Variants in ODF4 observed in about 807,000 individuals in gnomAD.
The protein encoded by ODF4 is outer dense fiber protein 4.
A neutral mutation model predicts 17.0 loss-of-function variants in ODF4; 11 were observed. That is an observed-to-expected ratio of 0.65 (90% CI 0.41 to 1.07). The LOEUF (loss-of-function observed/expected upper bound fraction) is 1.07, where lower values mean the gene tolerates loss of function less well. ODF4 is among the 50% of genes least tolerant of loss of function. The pLI is 0.00. For synonymous variants in ODF4, 127 were observed against 121.8 expected (o/e 1.04, Z -0.28); for missense variants, 281 against 310.2 (o/e 0.91, Z 0.71).
chr17:8,340,414 C>T lies in ODF4; in HGVS notation c.363C>T (p.Ser121=). Residue 121 remains serine, a synonymous_variant, in exon 1 of 3, where the codon AGC becomes AGT. Transcript: ENST00000328248. The part of the protein sequence containing the change: ...LFYQRWPVDV[S]NRIHTSAHVM... ...ACCAGCGCTGGCCCGTGGATGTCAGCAACAGAATCCACACATCAGCCCACG... is the reference window on the plus strand; with the variant it reads ...ACCAGCGCTGGCCCGTGGATGTCAGTAACAGAATCCACACATCAGCCCACG... 1.2e-6 allele frequency: 2 copies of T among 1,613,626 alleles called. No individual in the cohort carries two copies. The highest frequency in any genetic ancestry group is 1.7e-6 in the Non-Finnish European group (2 of 1,179,574).
intron 1 of ODF4, among the ~76,000 whole-genome samples, chr17:8,342,428 A>C (rs991287787): frequency 6.6e-6 from 1 of 152,104 alleles, no homozygotes; most frequent in Non-Finnish European, 1.5e-5. Flanking sequence ...TTTTTAGTAG[A>C]GACGGAGTTT....
rs984538812 is a variant in ODF4 at position 8,343,815 on chromosome 17, A to T, written c.455-1528A>T. 3.3e-5 allele frequency among the ~76,000 whole-genome samples: 3 copies of T among 90,634 alleles called. No individual in the cohort carries two copies. In the South Asian group the frequency reaches 1.1e-3, roughly 32 times the overall value. 59.5% of individuals were successfully genotyped at this position (90,634 alleles called of 152,430 possible). A position where few individuals can be genotyped will look rare whatever the true frequency, so the allele number is the denominator to read the frequency against. The stretch of plus-strand genomic sequence containing the variant: ...AGGTGTGAGCCACCGCACCCAGCCA[A>T]GTGTGTGTGTGTGTGTGTGTGTGTG... On this transcript the variant is annotated intron_variant, in intron 1 of 2. Coordinates refer to ENST00000328248, the MANE Select transcript of ODF4 (RefSeq NM_153007.5).
Position 8,345,886 on chromosome 17 carries a change from A to G in ODF4, c.*34A>G, listed in dbSNP as rs1165333338. 2 of 1,575,566 alleles carry G rather than the reference A, an allele frequency of 1.3e-6. No individual in the cohort carries two copies. The highest frequency in any genetic ancestry group is 2.7e-5 in the African/African-American group (2 of 74,130). ...GAACTCCTGGCACCAAGTTCTGTCC[A>G]TTCATCTGACCCCATCTCCTCATCC... On this transcript the variant is annotated 3_prime_UTR_variant, in exon 3 of 3. Coordinates refer to ENST00000328248, the MANE Select transcript of ODF4 (RefSeq NM_153007.5). This position sits in a 1 kb window ranked among gnomAD's most constrained non-coding sequence, Gnocchi z 4.1.
At position 8,340,234 on chromosome 17, in the gene ODF4, C is replaced by T; in HGVS notation, c.183C>T (p.Arg61=). The change falls in exon 1 of 3, where the codon CGC becomes CGT. Residue 61 remains arginine, a synonymous_variant. Coordinates refer to ENST00000328248, the MANE Select transcript of ODF4 (RefSeq NM_153007.5). ...GTAGTAACAGGTCCTTGGGCCAGCG[C>T]CAGAACTCTCCGCTGCCCTTTCAAT... is the stretch of plus-strand genomic sequence containing the variant. The part of the protein sequence containing the change: ...SLSSNRSLGQ[R]QNSPLPFQWR... The T allele has an allele frequency of 6.2e-7, 1 of 1,614,176 alleles. No individual in the cohort carries two copies. Among genetic ancestry groups the T allele is most frequent in the Non-Finnish European group, 8.5e-7 (1 of 1,180,004 alleles).
intron 1 of ODF4, among the ~76,000 whole-genome samples, chr17:8,341,481 G>T (rs886915113): frequency 6.6e-6 from 1 of 151,870 alleles, no homozygotes; most frequent in Non-Finnish European, 1.5e-5. Context: ...CCTCATCCTT[G>T]TTTTTTTCTG....
rs1436248000 is a variant in ODF4, at chr17:8,340,000, C to T, written c.-52C>T. 1 of 1,184,106 alleles carries T rather than the reference C, an allele frequency of 8.4e-7. No individual in the cohort carries two copies. Among genetic ancestry groups the T allele is most frequent in the East Asian group, 2.4e-5 (1 of 41,756 alleles). 73.3% of individuals were successfully genotyped at this position (1,184,106 alleles called of 1,614,324 possible). On this transcript the variant is annotated 5_prime_UTR_variant, in exon 1 of 3. Transcript: ENST00000328248. ...AAAATATCCAAAAGATGAGAAGAGA[C>T]AATTGAGTCTGGTGAGGGAAAGGGG...
Position 8,344,377 on chromosome 17 carries a change from T to G in ODF4, c.455-966T>G, listed in dbSNP as rs1366816960. On this transcript the variant is annotated intron_variant, in intron 1 of 2. Transcript: ENST00000328248. The stretch of plus-strand genomic sequence containing the variant: ...GTATTCATTTGCATGTGGTTGAGGT[T>G]ATCAAACAATATCCATATCAAGGAT... Among the ~76,000 whole-genome samples, 4 of 129,252 alleles carry G rather than the reference T, an allele frequency of 3.1e-5. 1 individual carries two copies. In the East Asian group the frequency reaches 8.8e-4, roughly 29 times the overall value. 84.8% of individuals were successfully genotyped at this position (129,252 alleles called of 152,430 possible). A position where few individuals can be genotyped will look rare whatever the true frequency, so the allele number is the denominator to read the frequency against.
At chr17:8,342,345 C>G (rs369956970) in intron 1 of ODF4, among the ~76,000 whole-genome samples, 1 of 152,058 alleles carries the variant, frequency 6.6e-6, no homozygotes, top group East Asian at 1.9e-4. Flanking sequence ...CGGTTTCAAG[C>G]GATTATCCTG....
Position 8,339,969 on chromosome 17 carries a change from C to T in ODF4, c.-83C>T. Reference sequence around the variant, plus strand: ...CAGACCTCAGGCTGCATGGTGGCAGCTGATGAAAATATCCAAAAGATGAGA... The same window carrying T: ...CAGACCTCAGGCTGCATGGTGGCAGTTGATGAAAATATCCAAAAGATGAGA... On this transcript the variant is annotated 5_prime_UTR_variant, in exon 1 of 3. Transcript: ENST00000328248. 1.2e-6 allele frequency: 1 copy of T among 857,432 alleles called. No homozygotes were observed. The highest frequency in any genetic ancestry group is 1.8e-6 in the Non-Finnish European group (1 of 563,936). The allele number at this position is 857,432 out of a possible 1,614,324, so 53.1% of individuals were successfully genotyped here.
intron 1 of ODF4, chr17:8,344,822 T>C: frequency 1.0e-6 from 1 of 972,298 alleles, no homozygotes; most frequent in Non-Finnish European, 1.2e-6. Flanking sequence ...TGATTATGTT[T>C]CATCTTTTGT....
Position 8,346,046 on chromosome 17 carries a change from A to C in ODF4, c.*194A>C. On this transcript the variant is annotated 3_prime_UTR_variant, in exon 3 of 3. Coordinates refer to ENST00000328248, the MANE Select transcript of ODF4 (RefSeq NM_153007.5). ...ATAAATTGTCCGTCTCTTCTTTCTC[A>C]TATCTGGCTGTTGTTGAGGCAAGCT... 1 of 518,694 alleles carries C rather than the reference A, an allele frequency of 1.9e-6. No individual in the cohort carries two copies. Among genetic ancestry groups the C allele is most frequent in the Non-Finnish European group, 3.4e-6 (1 of 291,278 alleles). The allele number at this position is 518,694 out of a possible 1,614,324, so 32.1% of individuals were successfully genotyped here.
chr17:8,341,794 C>T (rs1906032109), intron 1 of ODF4, among the ~76,000 whole-genome samples: 2 of 148,894 alleles, frequency 1.3e-5, no homozygotes, highest in South Asian at 4.2e-4. Flanking sequence ...TGAAAAAAAT[C>T]ACACAGCTAT....
chr17:8,343,202 G>T (rs1217656430), intron 1 of ODF4, among the ~76,000 whole-genome samples: 1 of 151,048 alleles, frequency 6.6e-6, no homozygotes, highest in Non-Finnish European at 1.5e-5. Flanking sequence ...CATGATCTCG[G>T]CTCAGTGCAA....
Position 8,345,002 on chromosome 17 carries a change from G to T in ODF4, c.455-341G>T. Reference sequence around the variant, plus strand: ...CCTACCTGCCCGCTGTTCAAAAATTGCCCTTTGTGGGCTTCGGGACCATCT... The same window carrying T: ...CCTACCTGCCCGCTGTTCAAAAATTTCCCTTTGTGGGCTTCGGGACCATCT... On this transcript the variant is annotated intron_variant, in intron 1 of 2. Coordinates refer to ENST00000328248, the MANE Select transcript of ODF4 (RefSeq NM_153007.5). The surrounding 1 kb of genome is among the most constrained non-coding windows in gnomAD (Gnocchi z 4.1). The T allele has an allele frequency of 1.0e-6, 1 of 970,418 alleles. No homozygotes were observed. 60.1% of individuals were successfully genotyped at this position (970,418 alleles called of 1,614,324 possible).
chr17:8,344,639 C>CTA (rs1436880821), intron 1 of ODF4, among the ~76,000 whole-genome samples: 7 of 132,788 alleles, frequency 5.3e-5, no homozygotes, highest in South Asian at 2.4e-4. Flanking sequence ...CAGGCATGCA[C>CTA]CACCATGCCC....
chr17:8,344,511 T>G (rs1906149701), intron 1 of ODF4, among the ~76,000 whole-genome samples: 1 of 127,480 alleles, frequency 7.8e-6, no homozygotes, highest in South Asian at 2.4e-4. Context: ...TTGTTTTTTG[T>G]TTTTTGCAGG....
rs7219472 is a variant in ODF4 at position 8,342,992 on chromosome 17, C to A, written c.455-2351C>A. On this transcript the variant is annotated intron_variant, in intron 1 of 2. Coordinates refer to ENST00000328248, the MANE Select transcript of ODF4 (RefSeq NM_153007.5). Reference sequence around the variant, plus strand: ...AAGTGATTCTCCTGCCTCCACCTCCCAAAGTGTTGGGATTACCGGTGTGAG... The same window carrying A: ...AAGTGATTCTCCTGCCTCCACCTCCAAAAGTGTTGGGATTACCGGTGTGAG... Among the ~76,000 whole-genome samples the A allele has an allele frequency of 2.6e-5, 4 of 151,780 alleles. No individual in the cohort carries two copies. The East Asian group carries it at 7.8e-4, about 29-fold the overall frequency.
chr17:8,345,320 A>G lies in ODF4; in HGVS notation c.455-23A>G. Reference sequence around the variant, plus strand: ...TGTGGGACTCTTGTATGACAATGAGACCCTCTGCCTCCTGTCTCCTAGTCA... The same window carrying G: ...TGTGGGACTCTTGTATGACAATGAGGCCCTCTGCCTCCTGTCTCCTAGTCA... On this transcript the variant is annotated intron_variant, in intron 1 of 2. Transcript: ENST00000328248. This position sits in a 1 kb window ranked among gnomAD's most constrained non-coding sequence, Gnocchi z 4.1. 11 of 1,606,718 alleles carry G rather than the reference A, an allele frequency of 6.8e-6. No homozygotes were observed. Among genetic ancestry groups the G allele is most frequent in the Non-Finnish European group, 9.4e-6 (11 of 1,175,306 alleles).
In ODF4 at chr17:8,345,671, T is replaced by A. The variant is rs529248162; in HGVS notation, c.593T>A (p.Ile198Asn). ...LVLILYFTCA[I>N]LCYFNHKSFW... ...CCCTGTCCCTGTCCTTTCCCAGCGA[T>A]CCTTTGCTACTTCAACCATAAAAGT... is the stretch of plus-strand genomic sequence containing the variant. The change falls in exon 3 of 3, where the codon ATC (isoleucine) becomes AAC (asparagine). Residue 198 changes from isoleucine to asparagine, a missense_variant. Coordinates refer to ENST00000328248, the MANE Select transcript of ODF4 (RefSeq NM_153007.5). The surrounding 1 kb of genome is among the most constrained non-coding windows in gnomAD (Gnocchi z 4.1). 1.2e-6 allele frequency: 2 copies of A among 1,613,922 alleles called. No individual in the cohort carries two copies. Among genetic ancestry groups the A allele is most frequent in the South Asian group, 1.1e-5 (1 of 91,074 alleles).
Sources: allele counts gnomAD v4.1 joint callset (sites outside exome capture counted in the v4.1 genomes callset), GRCh38; gene constraint gnomAD v4.1.1; non-coding constraint Gnocchi (gnomAD v3.1); transcripts MANE v1.5; gene names NCBI Gene and HGNC (gene_info 2026-07-23, HGNC 2026-07-21).